Variants in LIMK2 observed in about 807,000 individuals in gnomAD.
LIMK2 encodes LIM domain kinase 2.
Under a neutral mutation model 75.7 loss-of-function variants are expected in LIMK2, and 35 were observed. The ratio of observed to expected loss-of-function variants is 0.46; its 90% CI spans 0.35 to 0.61. The LOEUF (loss-of-function observed/expected upper bound fraction) is 0.61. Among genes scored for constraint, LIMK2 ranks in the 20% least tolerant of loss-of-function variants. The pLI, the probability that LIMK2 is intolerant of heterozygous loss-of-function variation, is 0.00. For missense variants in LIMK2, 623 were observed against 831.0 expected, an observed-to-expected ratio of 0.75 and a Z score of 3.08; for synonymous variants, 301 against 319.2, an observed-to-expected ratio of 0.94 and a Z score of 0.61.
intron 1 of LIMK2, among the ~76,000 whole-genome samples, chr22:31,223,761 C>G (rs184372075): frequency 9.0e-4 from 137 of 152,134 alleles, no homozygotes; most frequent in Middle Eastern, 3.4e-3. Flanking sequence ...CCAAAAAGGC[C>G]CCTCTTGACA....
chr22:31,214,152 T>C (rs2048371299), intron 1 of LIMK2, among the ~76,000 whole-genome samples: 1 of 152,052 alleles, frequency 6.6e-6, no homozygotes, highest in South Asian at 2.1e-4. Flanking sequence ...CTGTGTAATA[T>C]AGGTTGCCTG....
In LIMK2 at chr22:31,240,354, C is replaced by A. The variant is rs143593699; in HGVS notation, c.116+14535C>A. ...TGAAGTTGGCTAATGTCATCCCTCA[C>A]GTTTGTTTGTTTGAAATTTGTTTTA... is the stretch of plus-strand genomic sequence containing the variant. On this transcript the variant is annotated intron_variant, in intron 2 of 15. Coordinates refer to ENST00000331728, the MANE Select transcript of LIMK2 (RefSeq NM_005569.4). Among the ~76,000 whole-genome samples, 611 of 152,030 alleles carry A rather than the reference C, an allele frequency of 4.0e-3. 4 individuals are homozygous for A. Among genetic ancestry groups the A allele is most frequent in the South Asian group, 0.014 (65 of 4,808 alleles).
chr22:31,233,666 GAC>G (rs1335312561), intron 2 of LIMK2, among the ~76,000 whole-genome samples: 1 of 152,084 alleles, frequency 6.6e-6, no homozygotes, highest in East Asian at 1.9e-4. Flanking sequence ...AGGCACTTCA[GAC>G]TCTCTTCTCT....
intron 2 of LIMK2, among the ~76,000 whole-genome samples, chr22:31,246,587 G>C (rs1375829625): frequency 6.6e-6 from 1 of 151,726 alleles, no homozygotes. Flanking sequence ...TATGTACCAG[G>C]TTTGAAACTC....
chr22:31,238,473 G>C (rs529015229), intron 2 of LIMK2, among the ~76,000 whole-genome samples: 11 of 152,294 alleles, frequency 7.2e-5, no homozygotes, highest in African/African-American at 2.2e-4. Flanking sequence ...ATTCATAAGT[G>C]TACAGAGGGT....
intron 1 of LIMK2, among the ~76,000 whole-genome samples, chr22:31,223,894 T>G (rs2048457330): frequency 1.3e-5 from 2 of 152,198 alleles, no homozygotes; most frequent in Non-Finnish European, 2.9e-5. Flanking sequence ...CTTGCCAGCT[T>G]GTTTAACTCT....
intron 2 of LIMK2, among the ~76,000 whole-genome samples, chr22:31,240,926 G>A (rs138276676): frequency 6.6e-6 from 1 of 152,258 alleles, no homozygotes; most frequent in Non-Finnish European, 1.5e-5. Context: ...CAAGCTATCT[G>A]TACATTCATT....
chr22:31,220,755 G>A lies in LIMK2; in HGVS notation c.17-4965G>A, dbSNP rs1013979490. ...AGGTGGGCAGACCACCTGAGGTTGG[G>A]AGTTTGAGACCAGCCTGACCAACAT... On this transcript the variant is annotated intron_variant, in intron 1 of 15. Coordinates refer to ENST00000331728, the MANE Select transcript of LIMK2 (RefSeq NM_005569.4). Among the ~76,000 whole-genome samples, 5 of 152,292 alleles carry A rather than the reference G, an allele frequency of 3.3e-5. No homozygotes were observed. The South Asian group carries it at 1.0e-3, about 32-fold the overall frequency.
Position 31,259,977 on chromosome 22 carries a change from A to G in LIMK2, c.451A>G (p.Thr151Ala). ...TCAGGAGCAGCTGCCCTACTCTGTC[A>G]CGCTCATCTCCATGCCGGCCACCAC... ...SVQEQLPYSV[T>A]LISMPATTEG... Residue 151 changes from threonine (T) to alanine (A), a missense_variant, in exon 5 of 16, where the codon ACG becomes GCG. By Grantham distance (58) the Thr-to-Ala change is moderately conservative. This residue lies in a region of LIMK2 where 514 missense variants were observed against 661.3 expected (regional missense o/e 0.78). Transcript: ENST00000331728. 1 of 1,611,926 alleles carries G rather than the reference A, an allele frequency of 6.2e-7. No homozygotes were observed. The highest frequency in any genetic ancestry group is 8.5e-7 in the Non-Finnish European group (1 of 1,179,576).
chr22:31,261,750 A>G (rs964507539), intron 5 of LIMK2, among the ~76,000 whole-genome samples: 14 of 152,208 alleles, frequency 9.2e-5, no homozygotes. Context: ...CCTGGATGAC[A>G]GAGTAAGATG....
Position 31,240,737 on chromosome 22 carries a change from A to G in LIMK2, c.116+14918A>G, listed in dbSNP as rs559891506. ...GCGCCTGGCCTAGAATCACCTTTTT[A>G]TACCATAACGTGAGCACCACTGCCG... On this transcript the variant is annotated intron_variant, in intron 2 of 15. Transcript: ENST00000331728. Among the ~76,000 whole-genome samples the G allele has an allele frequency of 1.6e-4, 24 of 152,214 alleles. No individual in the cohort carries two copies. In the South Asian group the frequency reaches 4.8e-3, roughly 30 times the overall value.
At chr22:31,259,306 G>A in intron 4 of LIMK2, 76 bp downstream of exon 4, 1 of 856,132 alleles carries the variant, frequency 1.2e-6, no homozygotes, top group Non-Finnish European at 2.0e-6. Flanking sequence ...AGGGTGAGTT[G>A]GGCAGAAGGA....
At chr22:31,215,318 T>G (rs1454917219) in intron 1 of LIMK2, among the ~76,000 whole-genome samples, 2 of 152,224 alleles carry the variant, frequency 1.3e-5, no homozygotes, top group Non-Finnish European at 2.9e-5. Flanking sequence ...CTGAGACACC[T>G]CAGATTCCTC....
At chr22:31,238,410 G>A (rs1326768606) in intron 2 of LIMK2, among the ~76,000 whole-genome samples, 1 of 152,166 alleles carries the variant, frequency 6.6e-6, no homozygotes, top group Non-Finnish European at 1.5e-5. Flanking sequence ...AACAGGAAGG[G>A]TCTGGAAGTA....
At chr22:31,264,436 G>T (rs1329173877) in intron 7 of LIMK2, among the ~76,000 whole-genome samples, 1 of 152,242 alleles carries the variant, frequency 6.6e-6, no homozygotes, top group Admixed American at 6.5e-5. Flanking sequence ...CTGTTCACCT[G>T]CAGTGCTGTG....
At chr22:31,265,021 A>G (rs1230835755) in intron 7 of LIMK2, among the ~76,000 whole-genome samples, 2 of 151,866 alleles carry the variant, frequency 1.3e-5, no homozygotes, top group African/African-American at 2.4e-5. Flanking sequence ...GTGAAACCCC[A>G]TCTCTACTAA....
Position 31,262,930 on chromosome 22 carries a change from GC to G in LIMK2, c.854+143del, listed in dbSNP as rs2048855947. 4 of 766,994 alleles carry G rather than the reference GC, an allele frequency of 5.2e-6. No homozygotes were observed. The East Asian group carries it at 1.2e-4, about 23-fold the overall frequency. The allele number at this position is 766,994 out of a possible 1,614,324, so 47.5% of individuals were successfully genotyped here. A position where few individuals can be genotyped will look rare whatever the true frequency, so the allele number is the denominator to read the frequency against. ...CTATGAGGATTGTGCTGACCCAGCTGCCCCTGTGGGGATCACAGTTTACAGC... is the reference window on the plus strand; with the variant it reads ...CTATGAGGATTGTGCTGACCCAGCTGCCCTGTGGGGATCACAGTTTACAGC... On this transcript the variant is annotated intron_variant, in intron 7 of 15. Coordinates refer to ENST00000331728, the MANE Select transcript of LIMK2 (RefSeq NM_005569.4). The surrounding 1 kb of genome is among the most constrained non-coding windows in gnomAD (Gnocchi z 5.0).
At chr22:31,261,307 G>A (rs1035553164) in intron 5 of LIMK2, among the ~76,000 whole-genome samples, 19 of 152,152 alleles carry the variant, frequency 1.2e-4, no homozygotes, top group African/African-American at 4.1e-4. Flanking sequence ...CAGCACTTTG[G>A]GAGGCCGAGG....
Position 31,258,320 on chromosome 22 carries a change from A to G in LIMK2, c.146A>G (p.Asn49Ser), listed in dbSNP as rs1312981583. ...TCAGAATGCCAGGATTCCCTCACCA[A>G]CTGGTACTATGAGAAGGATGGGAAG... ...RCSECQDSLT[N>S]WYYEKDGKLY... Residue 49 changes from asparagine to serine, a missense_variant, in exon 3 of 16, where the codon AAC becomes AGC. Physicochemically the swap from Asn to Ser is conservative, Grantham distance 46. This residue lies in a region of LIMK2 where 514 missense variants were observed against 661.3 expected (regional missense o/e 0.78). Transcript: ENST00000331728. 6.2e-7 allele frequency: 1 copy of G among 1,611,064 alleles called. No homozygotes were observed. The highest frequency in any genetic ancestry group is 8.5e-7 in the Non-Finnish European group (1 of 1,178,218).
Sources: allele counts gnomAD v4.1 joint callset (sites outside exome capture counted in the v4.1 genomes callset), GRCh38; gene constraint gnomAD v4.1.1; regional missense constraint gnomAD v4.1.1; non-coding constraint Gnocchi (gnomAD v3.1); transcripts MANE v1.5; gene names NCBI Gene and HGNC (gene_info 2026-07-23, HGNC 2026-07-21).